KIF5A: variants seen among roughly 807,000 people sequenced by gnomAD.
KIF5A encodes kinesin family member 5A.
A neutral mutation model predicts 141.3 loss-of-function variants in KIF5A; 35 were observed. The observed-to-expected ratio is 0.25, with a 90% CI of 0.19 to 0.33. The LOEUF (loss-of-function observed/expected upper bound fraction) is 0.33. Among genes scored for constraint, KIF5A ranks in the 10% least tolerant of loss-of-function variants. KIF5A has a pLI of 1.00. For synonymous variants in KIF5A, 448 were observed against 500.2 expected, an observed-to-expected ratio of 0.90 and a Z score of 1.39; for missense variants, 861 against 1,314.3, an observed-to-expected ratio of 0.66 and a Z score of 5.33.
intron 25 of KIF5A, 26 bp from the exon 26 acceptor site, chr12:57,581,844 C>T (rs779080769): frequency 6.9e-6 from 11 of 1,601,342 alleles, no homozygotes; most frequent in Non-Finnish European, 9.4e-6. Flanking sequence ...GTGTCAGAGG[C>T]TGCCTCTTTC....
In KIF5A at chr12:57,550,265, T is replaced by C. The variant is rs1262686520; in HGVS notation, c.-7T>C. The C allele has an allele frequency of 3.1e-6, 5 of 1,613,836 alleles. No individual in the cohort carries two copies. The African/African-American group carries it at 6.7e-5, about 22-fold the overall frequency. On this transcript the variant is annotated 5_prime_UTR_variant, in exon 1 of 29. Coordinates refer to ENST00000455537, the MANE Select transcript of KIF5A (RefSeq NM_004984.4). The surrounding 1 kb of genome is among the most constrained non-coding windows in gnomAD (Gnocchi z 4.6). ...AGAAGAGTCCCAGCCCCACGCCGGC[T>C]ACCACCATGGCGGAGACCAACAACG...
Position 57,551,005 on chromosome 12 carries a change from C to G in KIF5A, c.129+605C>G, listed in dbSNP as rs558072787. Among the ~76,000 whole-genome samples the G allele has an allele frequency of 1.3e-4, 20 of 152,090 alleles. No individual in the cohort carries two copies. In the South Asian group the frequency reaches 3.1e-3, roughly 24 times the overall value. On this transcript the variant is annotated intron_variant, in intron 1 of 28. Transcript: ENST00000455537. ...ATGCCACACCCAATCTTGGGGGGAGCCTCTGGAATCCTAAGGTCAGGTCTG... is the reference window on the plus strand; with the variant it reads ...ATGCCACACCCAATCTTGGGGGGAGGCTCTGGAATCCTAAGGTCAGGTCTG...
rs1387459878 is a variant in KIF5A, at chr12:57,586,498, C to T, written c.*2317C>T. ...AGAGCCAGGGTCACTGCAAGGGGCA[C>T]CTGGCCTGCCCACTCACATCTGCCA... On this transcript the variant is annotated 3_prime_UTR_variant, in exon 29 of 29. Coordinates refer to ENST00000455537, the MANE Select transcript of KIF5A (RefSeq NM_004984.4). 1 of 152,288 alleles carries T rather than the reference C, an allele frequency of 6.6e-6. No homozygotes were observed. Among genetic ancestry groups the T allele is most frequent in the Non-Finnish European group, 1.5e-5 (1 of 68,044 alleles). The allele number at this position is 152,288 out of a possible 1,614,324, so 9.4% of individuals were successfully genotyped here.
intron 15 of KIF5A, among the ~76,000 whole-genome samples, chr12:57,574,334 G>A (rs1337026494): frequency 6.7e-6 from 1 of 149,760 alleles, no homozygotes; most frequent in African/African-American, 2.5e-5. Context: ...GTGCAGTGGT[G>A]TGATCTCAGC....
At chr12:57,578,686 G>A (rs1378252737) in intron 23 of KIF5A, among the ~76,000 whole-genome samples, 1 of 152,160 alleles carries the variant, frequency 6.6e-6, no homozygotes, top group Non-Finnish European at 1.5e-5. Context: ...AAGGCAGGGA[G>A]ATGAGAAGAA....
rs1189615025 is a variant in KIF5A at position 57,564,781 on chromosome 12, C to T, written c.446-137C>T. On this transcript the variant is annotated intron_variant, in intron 5 of 28. Transcript: ENST00000455537. ...AGGAGGAGGAACTGAGCCTTCAGCT[C>T]GTGCAGGGAGTTTAGGCTTCACAGG... 2.3e-5 allele frequency: 20 copies of T among 859,610 alleles called. No homozygotes were observed. In the East Asian group the frequency reaches 3.9e-4, roughly 17 times the overall value. 53.2% of individuals were successfully genotyped at this position (859,610 alleles called of 1,614,324 possible).
rs1167859244 is a variant in KIF5A, at chr12:57,586,165, A to T, written c.*1984A>T. On this transcript the variant is annotated 3_prime_UTR_variant, in exon 29 of 29. Transcript: ENST00000455537. ...CTGTCTCCAGACCCACTAGGGTGGAAGGAAGGTTCCTGTGGGCCTGTGGAC... is the reference window on the plus strand; with the variant it reads ...CTGTCTCCAGACCCACTAGGGTGGATGGAAGGTTCCTGTGGGCCTGTGGAC... The T allele has an allele frequency of 6.6e-6, 1 of 152,148 alleles. No homozygotes were observed. Among genetic ancestry groups the T allele is most frequent in the East Asian group, 1.9e-4 (1 of 5,180 alleles). 9.4% of individuals were successfully genotyped at this position (152,148 alleles called of 1,614,324 possible). A position where few individuals can be genotyped will look rare whatever the true frequency, so the allele number is the denominator to read the frequency against.
At chr12:57,574,707 A>T (rs765184821) in intron 15 of KIF5A, among the ~76,000 whole-genome samples, 22 of 150,082 alleles carry the variant, frequency 1.5e-4, no homozygotes, top group Non-Finnish European at 2.9e-4. Flanking sequence ...CAGCCTCTTG[A>T]GTAGCTGGGA....
chr12:57,555,542 G>A (rs1402886397), intron 1 of KIF5A, among the ~76,000 whole-genome samples: 1 of 151,996 alleles, frequency 6.6e-6, no homozygotes, highest in Non-Finnish European at 1.5e-5. Context: ...AGTGAGCCGA[G>A]ATCTTGCCAC....
intron 20 of KIF5A, 79 bp downstream of exon 20, chr12:57,576,941 G>A: frequency 9.8e-7 from 1 of 1,022,474 alleles, no homozygotes; most frequent in Non-Finnish European, 1.5e-6. Flanking sequence ...TGCAGAGGCA[G>A]GACACACATG....
intron 19 of KIF5A, 134 bp downstream of exon 19, chr12:57,576,512 C>T: frequency 1.3e-6 from 1 of 769,242 alleles, no homozygotes; most frequent in Non-Finnish European, 2.2e-6. Flanking sequence ...ACTTCGTAGC[C>T]CCACCTCAGG....
chr12:57,576,333 G>A lies in KIF5A; in HGVS notation c.2153G>A (p.Arg718Gln), dbSNP rs1162438120. Residue 718 changes from arginine to glutamine, a missense_variant, in exon 19 of 29, where the codon CGG becomes CAG. Arg to Gln is a conservative substitution (Grantham distance 43, BLOSUM62 1). Coordinates refer to ENST00000455537, the MANE Select transcript of KIF5A (RefSeq NM_004984.4). ...CATCACCGGCAGCTGGCCCGGCTCCGGGACGAGATCAACGAGAAGCAGAAG... is the reference window on the plus strand; with the variant it reads ...CATCACCGGCAGCTGGCCCGGCTCCAGGACGAGATCAACGAGAAGCAGAAG... The part of the protein sequence containing the change: ...EAHHRQLARL[R>Q]DEINEKQKTI... 10 of 1,613,884 alleles carry A rather than the reference G, an allele frequency of 6.2e-6. No homozygotes were observed. The highest frequency in any genetic ancestry group is 2.7e-5 in the African/African-American group (2 of 74,906).
At chr12:57,566,794 C>G (rs990890512) in intron 6 of KIF5A, among the ~76,000 whole-genome samples, 3 of 152,038 alleles carry the variant, frequency 2.0e-5, no homozygotes, top group Non-Finnish European at 4.4e-5. Flanking sequence ...GTAATCCCAG[C>G]ACTTTGGGAG....
At chr12:57,582,058 TG>T in intron 26 of KIF5A, 106 bp downstream of exon 26, 1 of 931,432 alleles carries the variant, frequency 1.1e-6, no homozygotes, top group Non-Finnish European at 1.7e-6. Flanking sequence ...TGAACCTTTC[TG>T]GTGTGCCAAG....
intron 17 of KIF5A, 68 bp from the exon 18 acceptor site, chr12:57,576,019 G>C: frequency 6.7e-7 from 1 of 1,490,892 alleles, no homozygotes; most frequent in Non-Finnish European, 9.4e-7. Flanking sequence ...TGGAGTTCTG[G>C]TCACAACGTG....
Position 57,585,286 on chromosome 12 carries a change from T to C in KIF5A, c.*1105T>C, listed in dbSNP as rs1882725107. ...AAGCTGGAGCCTGACTTTTCCCCAA[T>C]GTACATTTTTTTTTTCTCCACAAAG... On this transcript the variant is annotated 3_prime_UTR_variant, in exon 29 of 29. Transcript: ENST00000455537. The C allele has an allele frequency of 6.5e-6, 1 of 153,946 alleles. No individual in the cohort carries two copies. Among genetic ancestry groups the C allele is most frequent in the African/African-American group, 2.4e-5 (1 of 41,206 alleles). The allele number at this position is 153,946 out of a possible 1,614,324, so 9.5% of individuals were successfully genotyped here. A position where few individuals can be genotyped will look rare whatever the true frequency, so the allele number is the denominator to read the frequency against.
intron 1 of KIF5A, among the ~76,000 whole-genome samples, chr12:57,551,517 C>T (rs1881572227): frequency 6.6e-6 from 1 of 152,128 alleles, no homozygotes; most frequent in Non-Finnish European, 1.5e-5. Context: ...TTGGTAGGGA[C>T]CTCAGGCTGT....
At chr12:57,578,798 G>T (rs1333708962) in intron 23 of KIF5A, among the ~76,000 whole-genome samples, 1 of 152,142 alleles carries the variant, frequency 6.6e-6, no homozygotes, top group Non-Finnish European at 1.5e-5. Flanking sequence ...GCACAGTGGT[G>T]CATGCCTGTA....
Position 57,571,324 on chromosome 12 carries a change from G to A in KIF5A, c.1297G>A (p.Asp433Asn). 15 of 1,598,510 alleles carry A rather than the reference G, an allele frequency of 9.4e-6. No homozygotes were observed. The highest frequency in any genetic ancestry group is 1.3e-5 in the Non-Finnish European group (15 of 1,165,846). The change falls in exon 13 of 29, where the codon GAT (aspartate) becomes AAT (asparagine). Residue 433 changes from aspartate (D) to asparagine (N), a missense_variant. Coordinates refer to ENST00000455537, the MANE Select transcript of KIF5A (RefSeq NM_004984.4). ...CTTTCCCTGTTGCCTCCAACAGGAT[G>A]ATGAAATCAACCAACAAAGCCAACT... The part of the protein sequence containing the change: ...RLYKQLDDKD[D>N]EINQQSQLIE...
Sources: gnomAD v4.1 joint callset for allele counts (sites outside exome capture counted in the v4.1 genomes callset) on GRCh38, gnomAD v4.1.1 for gene constraint, Gnocchi (gnomAD v3.1) non-coding constraint, MANE v1.5 for transcripts, NCBI Gene and HGNC (gene_info 2026-07-23, HGNC 2026-07-21) for gene names.